CHRM3: variants seen among roughly 807,000 people sequenced by gnomAD.
The protein encoded by CHRM3 is muscarinic acetylcholine receptor M3.
Under a neutral mutation model 41.8 loss-of-function variants are expected in CHRM3, and 11 were observed. The observed-to-expected ratio is 0.26, with a 90% CI of 0.17 to 0.44. The LOEUF (loss-of-function observed/expected upper bound fraction) is 0.44, where lower values mean the gene tolerates loss of function less well. Among genes scored for constraint, CHRM3 ranks in the 20% least tolerant of loss-of-function variants. CHRM3 has a pLI of 1.00. For synonymous variants in CHRM3, 297 were observed against 301.4 expected, an observed-to-expected ratio of 0.99 and a Z score of 0.15; for missense variants, 571 against 745.4, an observed-to-expected ratio of 0.77 and a Z score of 2.72.
At chr1:239,765,997 T>C (rs1426990355) in intron 5 of CHRM3, among the ~76,000 whole-genome samples, 1 of 151,988 alleles carries the variant, frequency 6.6e-6, no homozygotes, top group Non-Finnish European at 1.5e-5. Context: ...TTGTATTTTT[T>C]AGTAGAGTGT....
rs1007905992 is a variant in CHRM3, at chr1:239,732,900, A to G, written c.-147+54612A>G. Among the ~76,000 whole-genome samples, 4 of 151,568 alleles carry G rather than the reference A, an allele frequency of 2.6e-5. No individual in the cohort carries two copies. In the East Asian group the frequency reaches 5.9e-4, roughly 22 times the overall value. On this transcript the variant is annotated intron_variant, in intron 5 of 6. Coordinates refer to ENST00000676153, the MANE Select transcript of CHRM3 (RefSeq NM_001375978.1). ...GATAAGTATATCTAATATCACTTAGATAAGTATACCTAATATCTCATTTAG... is the reference window on the plus strand; with the variant it reads ...GATAAGTATATCTAATATCACTTAGGTAAGTATACCTAATATCTCATTTAG...
chr1:239,741,688 T>A lies in CHRM3; in HGVS notation c.-147+63400T>A, dbSNP rs79310134. 3.0e-3 allele frequency among the ~76,000 whole-genome samples: 152 copies of A among 50,528 alleles called. 2 individuals are homozygous for A. Among genetic ancestry groups the A allele is most frequent in the Non-Finnish European group, 5.8e-3 (121 of 20,896 alleles). 33.1% of individuals were successfully genotyped at this position (50,528 alleles called of 152,430 possible). On this transcript the variant is annotated intron_variant, in intron 5 of 6. Transcript: ENST00000676153. The stretch of plus-strand genomic sequence containing the variant: ...GAATTCAATCAGCTAAAGCCTTTTG[T>A]TTTTTTTATAACATGCACCCACACT...
chr1:239,846,219 T>C (rs1164511126), intron 6 of CHRM3, among the ~76,000 whole-genome samples: 1 of 152,216 alleles, frequency 6.6e-6, no homozygotes, highest in African/African-American at 2.4e-5. Context: ...ATCAATGTCA[T>C]TTTTAAAGTA....
chr1:239,432,828 A>G (rs935569925), intron 1 of CHRM3, among the ~76,000 whole-genome samples: 26 of 152,160 alleles, frequency 1.7e-4, no homozygotes, highest in African/African-American at 6.0e-4. Context: ...ATTTGCAAAT[A>G]TTGCTTTCTA....
chr1:239,574,002 C>T (rs973255942), intron 3 of CHRM3, among the ~76,000 whole-genome samples: 2 of 152,048 alleles, frequency 1.3e-5, no homozygotes, highest in African/African-American at 4.8e-5. Context: ...TGATCTAATG[C>T]TCTTTGCCCT....
At chr1:239,841,024 C>T (rs1558169856) in intron 6 of CHRM3, among the ~76,000 whole-genome samples, 1 of 152,192 alleles carries the variant, frequency 6.6e-6, no homozygotes, top group Non-Finnish European at 1.5e-5. Context: ...AAGCAGATTG[C>T]TCAGAGGCCA....
chr1:239,697,150 TC>T (rs759743431), intron 5 of CHRM3, among the ~76,000 whole-genome samples: 1 of 152,150 alleles, frequency 6.6e-6, no homozygotes, highest in Non-Finnish European at 1.5e-5. Context: ...TTTGGCTGTG[TC>T]CCCACCCAAA....
At chr1:239,895,259 G>A (rs868767365) in intron 6 of CHRM3, among the ~76,000 whole-genome samples, 26 of 152,106 alleles carry the variant, frequency 1.7e-4, no homozygotes, top group Admixed American at 1.3e-3. Flanking sequence ...GAATTCTTTC[G>A]TTTCTTGGGT....
At chr1:239,786,658 G>A (rs905045499) in intron 5 of CHRM3, among the ~76,000 whole-genome samples, 2 of 152,206 alleles carry the variant, frequency 1.3e-5, no homozygotes, top group African/African-American at 2.4e-5. Context: ...GAGGTCACTG[G>A]GCTCAGAGGA....
intron 6 of CHRM3, among the ~76,000 whole-genome samples, chr1:239,879,388 C>T (rs1002785912): frequency 2.6e-5 from 4 of 152,176 alleles, no homozygotes; most frequent in Admixed American, 1.3e-4. Context: ...GCAGCCTCTG[C>T]GGATCATTAG....
intron 6 of CHRM3, among the ~76,000 whole-genome samples, chr1:239,835,994 C>T (rs997440318): frequency 5.3e-5 from 8 of 152,210 alleles, no homozygotes; most frequent in Admixed American, 1.3e-4. Context: ...GAGATACATT[C>T]GTAGAGAGGA....
intron 1 of CHRM3, among the ~76,000 whole-genome samples, chr1:239,481,673 G>C (rs796823964): frequency 1.4e-4 from 21 of 152,324 alleles, no homozygotes; most frequent in African/African-American, 4.6e-4. Context: ...ACAGAAGTAA[G>C]TAGGATGGCT....
intron 5 of CHRM3, among the ~76,000 whole-genome samples, chr1:239,815,013 A>G (rs898971710): frequency 2.0e-5 from 3 of 151,966 alleles, no homozygotes; most frequent in Non-Finnish European, 2.9e-5. Flanking sequence ...TGACTGCAAG[A>G]GATTCACCTG....
intron 6 of CHRM3, among the ~76,000 whole-genome samples, chr1:239,881,282 CAAAAAAAAA>C (rs71567253): frequency 5.9e-5 from 2 of 33,990 alleles, no homozygotes; most frequent in African/African-American, 1.1e-4. Context: ...GACTCCGTCT[CAAAAAAAAA>C]AAAAAAAAAA....
At chr1:239,523,004 G>A (rs1303936322) in intron 2 of CHRM3, among the ~76,000 whole-genome samples, 2 of 152,048 alleles carry the variant, frequency 1.3e-5, no homozygotes, top group Non-Finnish European at 2.9e-5. Flanking sequence ...ATCCTCCTAA[G>A]ATCAGGCATC....
Position 239,408,062 on chromosome 1 carries a change from T to G in CHRM3, c.-521+20835T>G, listed in dbSNP as rs1660749000. The stretch of plus-strand genomic sequence containing the variant: ...TATTTCCCATAATCCCCATGTGTGG[T>G]GAGAGGGACCTGGTGGGAGGTAACT... On this transcript the variant is annotated intron_variant, in intron 1 of 6. Coordinates refer to ENST00000676153, the MANE Select transcript of CHRM3 (RefSeq NM_001375978.1). 2.0e-5 allele frequency among the ~76,000 whole-genome samples: 3 copies of G among 152,104 alleles called. No homozygotes were observed. In the South Asian group the frequency reaches 6.2e-4, roughly 32 times the overall value.
At chr1:239,733,810 T>C (rs930942705) in intron 5 of CHRM3, among the ~76,000 whole-genome samples, 6 of 152,138 alleles carry the variant, frequency 3.9e-5, no homozygotes, top group Non-Finnish European at 2.9e-5. Context: ...ATTAAGCACC[T>C]ATTTAGCATC....
At chr1:239,495,226 C>T (rs1409579788) in intron 2 of CHRM3, among the ~76,000 whole-genome samples, 1 of 152,058 alleles carries the variant, frequency 6.6e-6, no homozygotes, top group African/African-American at 2.4e-5. Flanking sequence ...AGTTGTGAAA[C>T]CCACAAAAAG....
rs904644629 is a variant in CHRM3 at position 239,404,297 on chromosome 1, A to G, written c.-521+17070A>G. 2.7e-5 allele frequency among the ~76,000 whole-genome samples: 4 copies of G among 148,762 alleles called. No individual in the cohort carries two copies. The Admixed American group carries it at 2.7e-4, about 10-fold the overall frequency. On this transcript the variant is annotated intron_variant, in intron 1 of 6. Coordinates refer to ENST00000676153, the MANE Select transcript of CHRM3 (RefSeq NM_001375978.1). Reference sequence around the variant, plus strand: ...GAGCGAGACTCTGTCTCAAAAAAAAAGAAAGGAGAGAGAAGAAAGAAAGGA... The same window carrying G: ...GAGCGAGACTCTGTCTCAAAAAAAAGGAAAGGAGAGAGAAGAAAGAAAGGA...
Sources: allele counts gnomAD v4.1 joint callset (sites outside exome capture counted in the v4.1 genomes callset), GRCh38; gene constraint gnomAD v4.1.1; transcripts MANE v1.5; gene names NCBI Gene and HGNC (gene_info 2026-07-23, HGNC 2026-07-21).